Variants in EXTL3 observed in about 807,000 individuals in gnomAD.
EXTL3 encodes exostosin-like 3.
EXTL3 carries 27 observed loss-of-function variants against 69.3 expected under a neutral mutation model. The ratio of observed to expected loss-of-function variants is 0.39; its 90% CI spans 0.29 to 0.54. The LOEUF (loss-of-function observed/expected upper bound fraction) is 0.54. Ranked by LOEUF, EXTL3 falls within the 20% of genes least tolerant of loss-of-function variation. EXTL3 has a pLI of 0.69. For missense variants in EXTL3, 1,003 were observed against 1,231.8 expected, an observed-to-expected ratio of 0.81 and a Z score of 2.78; for synonymous variants, 511 against 499.4, an observed-to-expected ratio of 1.02 and a Z score of -0.31.
In EXTL3 at chr8:28,718,845, G is replaced by A. The variant is rs1338035467; in HGVS notation, c.2148+638G>A. The stretch of plus-strand genomic sequence containing the variant: ...CCAATTGAACCTTCCAGGGTGTCTT[G>A]TAGGTTCTTTCTCATTCTTTACTCC... On this transcript the variant is annotated intron_variant, in intron 3 of 6. Coordinates refer to ENST00000220562, the MANE Select transcript of EXTL3 (RefSeq NM_001440.4). 3.3e-5 allele frequency among the ~76,000 whole-genome samples: 5 copies of A among 152,188 alleles called. No individual in the cohort carries two copies. In the South Asian group the frequency reaches 1.0e-3, roughly 31 times the overall value.
intron 1 of EXTL3, among the ~76,000 whole-genome samples, chr8:28,653,764 A>G (rs1053379448): frequency 6.6e-6 from 1 of 152,142 alleles, no homozygotes; most frequent in African/African-American, 2.4e-5. Context: ...TGCTGTTTTG[A>G]TTACACTTTT....
At chr8:28,627,266 T>C (rs959874839) in intron 1 of EXTL3, among the ~76,000 whole-genome samples, 1 of 151,862 alleles carries the variant, frequency 6.6e-6, no homozygotes, top group African/African-American at 2.4e-5. Flanking sequence ...CCCAGCACTT[T>C]GGGAGGCTGA....
chr8:28,677,599 A>G (rs968934550), intron 1 of EXTL3, among the ~76,000 whole-genome samples: 3 of 152,242 alleles, frequency 2.0e-5, no homozygotes, highest in African/African-American at 7.2e-5. Flanking sequence ...CCCCTGGGAC[A>G]TCACTCTCTG....
At chr8:28,720,886 T>G (rs1371239513) in intron 3 of EXTL3, among the ~76,000 whole-genome samples, 3 of 152,202 alleles carry the variant, frequency 2.0e-5, no homozygotes, top group Admixed American at 6.5e-5. Context: ...CTAGAGAGTA[T>G]TATTATGCCA....
chr8:28,741,378 C>G (rs1170234117), intron 5 of EXTL3: 1 of 152,152 alleles, frequency 6.6e-6, no homozygotes, highest in Non-Finnish European at 1.5e-5. Context: ...ATACGAAGGA[C>G]AGTCACTGGC....
chr8:28,707,183 T>A (rs1796675617), intron 1 of EXTL3, among the ~76,000 whole-genome samples: 1 of 152,224 alleles, frequency 6.6e-6, no homozygotes, highest in South Asian at 2.1e-4. Context: ...ACATAATGAT[T>A]GTAAAATGAA....
chr8:28,701,044 A>C (rs1197068556), upstream of EXTL3: 1 of 152,310 alleles, frequency 6.6e-6, no homozygotes, highest in Non-Finnish European at 1.5e-5. Context: ...TGAAATAGTC[A>C]AAGGGCTTCA....
intron 1 of EXTL3, among the ~76,000 whole-genome samples, chr8:28,663,041 A>G (rs189517): frequency 0.099 from 15,140 of 152,276 alleles, 943 homozygotes; most frequent in African/African-American, 0.16. Context: ...TGAGCCAAAA[A>G]CCCTATGCTG....
intron 2 of EXTL3, among the ~76,000 whole-genome samples, chr8:28,615,557 G>A (rs137931310): frequency 1.3e-5 from 2 of 151,978 alleles, no homozygotes; most frequent in Non-Finnish European, 2.9e-5. Context: ...AATTAATATA[G>A]CTACTCCAGT....
At chr8:28,672,467 A>AG (rs1807312576) in intron 1 of EXTL3, among the ~76,000 whole-genome samples, 3 of 152,170 alleles carry the variant, frequency 2.0e-5, no homozygotes. Context: ...GGTTTTATTA[A>AG]GGGAGATCAG....
chr8:28,743,812 C>G (rs1295855429), intron 6 of EXTL3, among the ~76,000 whole-genome samples: 1 of 152,062 alleles, frequency 6.6e-6, no homozygotes, highest in Non-Finnish European at 1.5e-5. Flanking sequence ...ACCAGATTGC[C>G]AAGCCAGAGG....
At chr8:28,748,640 G>C (rs1801940547) in intron 6 of EXTL3, among the ~76,000 whole-genome samples, 1 of 152,192 alleles carries the variant, frequency 6.6e-6, no homozygotes, top group Non-Finnish European at 1.5e-5. Flanking sequence ...AAGGAGTGTA[G>C]AGCCTGTTAA....
chr8:28,617,747 T>C (rs1342027835), upstream of EXTL3, among the ~76,000 whole-genome samples: 2 of 152,132 alleles, frequency 1.3e-5, no homozygotes, highest in African/African-American at 4.8e-5. Flanking sequence ...GCCACTGCGC[T>C]CCAGACTGGG....
At chr8:28,646,271 T>A (rs561437412) in intron 1 of EXTL3, among the ~76,000 whole-genome samples, 2 of 152,362 alleles carry the variant, frequency 1.3e-5, no homozygotes, top group East Asian at 3.9e-4. Flanking sequence ...TAACTGTTAA[T>A]AGTTGAGGTC....
chr8:28,731,708 A>G (rs991267285), intron 4 of EXTL3, among the ~76,000 whole-genome samples: 2 of 152,024 alleles, frequency 1.3e-5, no homozygotes, highest in African/African-American at 2.4e-5. Flanking sequence ...TCTCTAAAGG[A>G]AATAGGAGGG....
intron 1 of EXTL3, among the ~76,000 whole-genome samples, chr8:28,627,397 C>G (rs1478794908): frequency 1.3e-5 from 2 of 150,198 alleles, no homozygotes; most frequent in Non-Finnish European, 3.0e-5. Context: ...TGGGGCTGAG[C>G]TAGGAGGATC....
intron 1 of EXTL3, among the ~76,000 whole-genome samples, chr8:28,709,286 A>G (rs1219665240): frequency 6.6e-6 from 1 of 152,228 alleles, no homozygotes; most frequent in Non-Finnish European, 1.5e-5. Flanking sequence ...ATATATGGTA[A>G]TAGGTTTAAC....
At chr8:28,729,812 G>GA (rs1321791922) in intron 3 of EXTL3, among the ~76,000 whole-genome samples, 1 of 151,350 alleles carries the variant, frequency 6.6e-6, no homozygotes, top group Non-Finnish European at 1.5e-5. Context: ...CGCCTGGGGG[G>GA]AACATAGTGA....
chr8:28,676,416 AG>A (rs1161423830), intron 1 of EXTL3, among the ~76,000 whole-genome samples: 1 of 152,142 alleles, frequency 6.6e-6, no homozygotes, highest in Admixed American at 6.6e-5. Flanking sequence ...GCAGGCGCCA[AG>A]GGGGTGGCAA....
Sources: gnomAD v4.1 joint callset for allele counts (sites outside exome capture counted in the v4.1 genomes callset) on GRCh38, gnomAD v4.1.1 for gene constraint, MANE v1.5 for transcripts, NCBI Gene and HGNC (gene_info 2026-07-23, HGNC 2026-07-21) for gene names.